THBS4: variants seen among roughly 807,000 people sequenced by gnomAD.
THBS4 encodes the protein thrombospondin 4.
A neutral mutation model predicts 115.7 loss-of-function variants in THBS4; 90 were observed. The ratio of observed to expected loss-of-function variants is 0.78; its 90% CI spans 0.66 to 0.93. The LOEUF (loss-of-function observed/expected upper bound fraction) is 0.93. Among genes scored for constraint, THBS4 ranks in the 40% least tolerant of loss-of-function variants. The pLI, the probability that THBS4 is intolerant of heterozygous loss-of-function variation, is 0.00. For missense variants in THBS4, 1,087 were observed against 1,232.7 expected, an observed-to-expected ratio of 0.88 and a Z score of 1.77; for synonymous variants, 460 against 479.3, an observed-to-expected ratio of 0.96 and a Z score of 0.53.
chr5:80,020,973 A>G (rs1191546544), intron 2 of THBS4, among the ~76,000 whole-genome samples: 1 of 152,228 alleles, frequency 6.6e-6, no homozygotes, highest in South Asian at 2.1e-4. Context: ...TATGAACTCA[A>G]TTTAAAAACT....
intron 2 of THBS4, among the ~76,000 whole-genome samples, chr5:80,026,227 A>G (rs1347887688): frequency 6.6e-6 from 1 of 152,186 alleles, no homozygotes; most frequent in African/African-American, 2.4e-5. Context: ...GAAACACTAT[A>G]CTTAGAAGGA....
chr5:80,060,017 G>C, intron 7 of THBS4, 112 bp downstream of exon 7: 1 of 1,061,522 alleles, frequency 9.4e-7, no homozygotes. Context: ...TGTCCTCCAG[G>C]CTCCATTGAA....
intron 5 of THBS4, 63 bp downstream of exon 5, chr5:80,058,853 A>T: frequency 6.6e-7 from 1 of 1,504,934 alleles, no homozygotes; most frequent in Non-Finnish European, 9.1e-7. Flanking sequence ...CCCACAAGCT[A>T]GTGGAGCTGC....
Position 80,055,794 on chromosome 5 carries a change from G to C in THBS4, c.302G>C (p.Arg101Pro). The change falls in exon 3 of 22, where the codon CGT (arginine) becomes CCT (proline). Residue 101 changes from arginine (R) to proline (P), a missense_variant. Around this residue, in one of 3 missense-constraint regions of THBS4, gnomAD observed 979 missense variants for 1,103.7 expected, o/e 0.89. Coordinates refer to ENST00000350881, the MANE Select transcript of THBS4 (RefSeq NM_003248.6). ...CTGTGCTTGCTTCCAGCCATCCTCC[G>C]TTACCTGAAGAACGATGGGAAGGTG... is the stretch of plus-strand genomic sequence containing the variant. ...VMGRLNKAIL[R>P]YLKNDGKVHL... 6.2e-7 allele frequency: 1 copy of C among 1,613,166 alleles called. No individual in the cohort carries two copies. The highest frequency in any genetic ancestry group is 8.5e-7 in the Non-Finnish European group (1 of 1,179,316).
Position 80,035,578 on chromosome 5 carries a change from TG to T in THBS4, c.43del (p.Val15SerfsTer6). The part of the protein sequence containing the change: ...PRGAAVLLLH[L>X]VLQRWLAAGA... ...GGAGCCGCCGTCCTCCTGCTGCACCTGGTCCTGCAGCGGTGGCTAGCGGCAG... is the reference window on the plus strand; with the variant it reads ...GGAGCCGCCGTCCTCCTGCTGCACCTGTCCTGCAGCGGTGGCTAGCGGCAG... On this transcript the variant is annotated frameshift_variant, in exon 1 of 22. Coordinates refer to ENST00000350881, the MANE Select transcript of THBS4 (RefSeq NM_003248.6). LOFTEE classifies it high-confidence loss of function. The surrounding 1 kb of genome is among the most constrained non-coding windows in gnomAD (Gnocchi z 4.6). 1 of 1,443,020 alleles carries T rather than the reference TG, an allele frequency of 6.9e-7. No individual in the cohort carries two copies. The highest frequency in any genetic ancestry group is 1.4e-5 in the South Asian group (1 of 70,814). The allele number at this position is 1,443,020 out of a possible 1,614,324, so 89.4% of individuals were successfully genotyped here. A position where few individuals can be genotyped will look rare whatever the true frequency, so the allele number is the denominator to read the frequency against.
In THBS4 at chr5:80,040,084, C is replaced by T. The variant is rs766710790; in HGVS notation, c.96C>T (p.Asp32=). 2.5e-6 allele frequency: 4 copies of T among 1,614,024 alleles called. No homozygotes were observed. The highest frequency in any genetic ancestry group is 1.7e-6 in the Non-Finnish European group (2 of 1,179,984). Residue 32 remains aspartate, a synonymous_variant, in exon 2 of 22, where the codon GAC becomes GAT. Coordinates refer to ENST00000350881, the MANE Select transcript of THBS4 (RefSeq NM_003248.6). The part of the protein sequence containing the change: ...AGAQATPQVF[D]LLPSSSQRLN... Reference sequence around the variant, plus strand: ...CTTCTCCCTTCTTCCCAGTCTTTGACCTTCTCCCATCTTCCAGTCAGAGGC... The same window carrying T: ...CTTCTCCCTTCTTCCCAGTCTTTGATCTTCTCCCATCTTCCAGTCAGAGGC...
At chr5:80,059,616 A>G in intron 6 of THBS4, 87 bp from the exon 7 acceptor site, 1 of 1,596,018 alleles carries the variant, frequency 6.3e-7, no homozygotes, top group Non-Finnish European at 8.6e-7. Flanking sequence ...GGAGGGAGGA[A>G]AAGTTCAATA....
At chr5:80,067,455 T>C (rs1304581235) in intron 9 of THBS4, 1 of 152,348 alleles carries the variant, frequency 6.6e-6, no homozygotes, top group Non-Finnish European at 1.5e-5. Context: ...GCAGCGGAGC[T>C]GACAGCTCAT....
chr5:80,058,850 G>C, intron 5 of THBS4, 60 bp downstream of exon 5: 1 of 1,506,482 alleles, frequency 6.6e-7, no homozygotes, highest in Non-Finnish European at 9.1e-7. Context: ...CTCCCCACAA[G>C]CTAGTGGAGC....
intron 1 of THBS4, among the ~76,000 whole-genome samples, chr5:80,039,365 C>T (rs1204553608): frequency 6.6e-6 from 1 of 152,352 alleles, no homozygotes; most frequent in East Asian, 1.9e-4. Context: ...GAAAGTACTG[C>T]TTGCTTGATC....
At chr5:80,001,729 G>A (rs1268169642) in intron 2 of THBS4, among the ~76,000 whole-genome samples, 1 of 152,176 alleles carries the variant, frequency 6.6e-6, no homozygotes, top group Non-Finnish European at 1.5e-5. Flanking sequence ...CATTTCAGGA[G>A]GGTAAAGTGA....
Position 80,040,258 on chromosome 5 carries a change from TG to T in THBS4, c.271del (p.Val91Ter), listed in dbSNP as rs1215436557. 13 of 1,613,776 alleles carry T rather than the reference TG, an allele frequency of 8.1e-6. No homozygotes were observed. The highest frequency in any genetic ancestry group is 1.1e-5 in the Non-Finnish European group (13 of 1,179,860). Reference protein sequence around the residue: ...TDNSKYFEFTVMGRLNKAILR... With the variant: ...TDNSKYFEFTXMGRLNKAILR... ...ACAACAGTAAATATTTTGAATTTAC[TG>T]TGATGGGACGCTTAAACAAAGGTAA... On this transcript the variant is annotated frameshift_variant, in exon 2 of 22. Transcript: ENST00000350881. LOFTEE classifies it high-confidence loss of function.
chr5:80,082,949 C>T (rs1743595585), intron 21 of THBS4, 131 bp from the exon 22 acceptor site: 3 of 793,464 alleles, frequency 3.8e-6, no homozygotes, highest in Non-Finnish European at 6.4e-6. Flanking sequence ...GAGAAAATGG[C>T]GGCGAGGGCC....
At chr5:80,008,795 GAC>G (rs1476341835) in intron 2 of THBS4, among the ~76,000 whole-genome samples, 2 of 152,148 alleles carry the variant, frequency 1.3e-5, no homozygotes, top group African/African-American at 4.8e-5. Flanking sequence ...AAAATGTCTA[GAC>G]ATTGTCAGAT....
At chr5:80,013,087 C>G (rs945322305) in intron 2 of THBS4, among the ~76,000 whole-genome samples, 1 of 152,172 alleles carries the variant, frequency 6.6e-6, no homozygotes, top group Non-Finnish European at 1.5e-5. Context: ...TTTCTGCCCT[C>G]TCCCGCCATC....
At chr5:80,065,874 T>A (rs1323582918) in intron 9 of THBS4, among the ~76,000 whole-genome samples, 8 of 152,148 alleles carry the variant, frequency 5.3e-5, no homozygotes, top group African/African-American at 1.7e-4. Flanking sequence ...CTTTCAATCA[T>A]GGGGTCAGGA....
chr5:80,010,291 C>G (rs1185610725), intron 2 of THBS4, among the ~76,000 whole-genome samples: 2 of 152,160 alleles, frequency 1.3e-5, no homozygotes, highest in Non-Finnish European at 2.9e-5. Context: ...CTAAGCTGCT[C>G]TAAGTTAGAG....
intron 14 of THBS4, chr5:80,072,781 T>C (rs1349325818): frequency 4.0e-6 from 1 of 250,122 alleles, no homozygotes; most frequent in African/African-American, 2.2e-5. Flanking sequence ...CAGCCAGGGA[T>C]GTGTTGCATC....
Position 80,071,037 on chromosome 5 carries a change from T to C in THBS4, c.1577T>C (p.Ile526Thr), listed in dbSNP as rs1167973517. 14 of 1,613,256 alleles carry C rather than the reference T, an allele frequency of 8.7e-6. No homozygotes were observed. Among genetic ancestry groups the C allele is most frequent in the South Asian group, 1.1e-5 (1 of 90,704 alleles). ...ILNEQDNCVL[I>T]HNVDQRNSDK... ...ATCTTTTAGGATAACTGTGTCCTGA[T>C]TCATAATGTGGACCAAAGGAACAGC... Residue 526 changes from isoleucine to threonine, a missense_variant, in exon 13 of 22, where the codon ATT becomes ACT. By Grantham distance (89) the Ile-to-Thr change is moderately conservative. Transcript: ENST00000350881.
Sources: allele counts gnomAD v4.1 joint callset (sites outside exome capture counted in the v4.1 genomes callset), GRCh38; gene constraint gnomAD v4.1.1; regional missense constraint gnomAD v4.1.1; non-coding constraint Gnocchi (gnomAD v3.1); transcripts MANE v1.5; gene names NCBI Gene and HGNC (gene_info 2026-07-23, HGNC 2026-07-21).